Variants in TRPC5 observed in about 807,000 individuals in gnomAD.
TRPC5 encodes the protein short transient receptor potential channel 5.
Under a neutral mutation model 56.5 loss-of-function variants are expected in TRPC5, and 9 were observed. That is an observed-to-expected ratio of 0.16 (90% CI 0.10 to 0.28). TRPC5 has a LOEUF of 0.28. Ranked by LOEUF, TRPC5 falls within the 10% of genes least tolerant of loss-of-function variation. The pLI, the probability that TRPC5 is intolerant of heterozygous loss-of-function variation, is 1.00. For synonymous variants in TRPC5, 282 were observed against 278.5 expected, an observed-to-expected ratio of 1.01 and a Z score of -0.13; for missense variants, 469 against 748.9, an observed-to-expected ratio of 0.63 and a Z score of 4.36.
intron 7 of TRPC5, among the ~76,000 whole-genome samples, chrX:111,786,562 A>G (rs1415379803): frequency 9.0e-6 from 1 of 111,123 alleles, no homozygotes. Flanking sequence ...TTCACACATA[A>G]AATATTAACC....
At chrX:112,071,097 G>A (rs1352513894) in intron 1 of TRPC5, among the ~76,000 whole-genome samples, 1 of 110,407 alleles carries the variant, frequency 9.1e-6, no homozygotes, top group Admixed American at 9.7e-5. Context: ...TGGACAACAT[G>A]GTGTAACCCC....
At chrX:112,005,337 C>G (rs1928807421) in intron 1 of TRPC5, among the ~76,000 whole-genome samples, 1 of 108,063 alleles carries the variant, frequency 9.3e-6, no homozygotes, top group Non-Finnish European at 1.9e-5. Context: ...GGGAGAAGAT[C>G]AGGAAAAATA....
chrX:112,036,871 G>A (rs749075364), intron 1 of TRPC5, among the ~76,000 whole-genome samples: 1 of 110,831 alleles, frequency 9.0e-6, no homozygotes, highest in East Asian at 2.9e-4. Flanking sequence ...TATAAGCAAC[G>A]CTGGTCTCCA....
intron 7 of TRPC5, among the ~76,000 whole-genome samples, chrX:111,784,730 T>C (rs984343218): frequency 1.8e-5 from 2 of 112,724 alleles, no homozygotes; most frequent in African/African-American, 6.4e-5. Context: ...TACTGCACTT[T>C]TCCCAAGGTC....
chrX:111,880,855 T>TTA (rs1161035012), intron 3 of TRPC5, among the ~76,000 whole-genome samples: 1 of 112,297 alleles, frequency 8.9e-6, no homozygotes, highest in Non-Finnish European at 1.9e-5. Context: ...TGTTGGGTCA[T>TTA]TAACCAAGTA....
rs11373844 is a variant in TRPC5, at chrX:111,873,821, CA to C, written c.901-19716del. Among the ~76,000 whole-genome samples, 48 of 104,600 alleles carry C rather than the reference CA, an allele frequency of 4.6e-4. 1 individual carries two copies. In the South Asian group the frequency reaches 0.018, roughly 40 times the overall value. 90.8% of individuals were successfully genotyped at this position (104,600 alleles called of 115,157 possible). The stretch of plus-strand genomic sequence containing the variant: ...ATAAAAAAAATTTGAAATAAAAAAG[CA>C]AAAAAAAAACTTGCTCAAAATGGCT... On this transcript the variant is annotated intron_variant, in intron 3 of 10. Coordinates refer to ENST00000262839, the MANE Select transcript of TRPC5 (RefSeq NM_012471.3).
intron 1 of TRPC5, among the ~76,000 whole-genome samples, chrX:111,980,835 T>C (rs988356679): frequency 5.6e-5 from 6 of 106,891 alleles, no homozygotes; most frequent in Admixed American, 4.2e-4. Context: ...ATCTGCAATA[T>C]ATCTATGTAT....
At chrX:111,895,365 T>A (rs1393335409) in intron 3 of TRPC5, among the ~76,000 whole-genome samples, 7 of 112,080 alleles carry the variant, frequency 6.2e-5, no homozygotes, top group Admixed American at 5.7e-4. Flanking sequence ...TTATATTTTT[T>A]AAAAATTAGA....
intron 2 of TRPC5, among the ~76,000 whole-genome samples, chrX:111,934,576 A>G (rs1445780525): frequency 3.6e-5 from 4 of 110,759 alleles, no homozygotes; most frequent in Non-Finnish European, 7.6e-5. Context: ...CATTCTATCT[A>G]TCTTTGCACC....
chrX:111,952,225 T>G lies in TRPC5; in HGVS notation c.196A>C (p.Met66Leu), dbSNP rs759447025. ...AGGGCACTCCGGCCCAAGGGGTCCA[T>G]GCAGTTGATGTTAACATTATAGTAG... ...EIYYNVNINCMDPLGRSALLI... is the reference protein window; with the variant it reads ...EIYYNVNINCLDPLGRSALLI... Residue 66 changes from methionine to leucine, a missense_variant, in exon 2 of 11, where the codon ATG becomes CTG. This residue lies in a region of TRPC5 where 118 missense variants were observed against 167.1 expected (regional missense o/e 0.71). Coordinates refer to ENST00000262839, the MANE Select transcript of TRPC5 (RefSeq NM_012471.3). 1.7e-6 allele frequency: 2 copies of G among 1,211,924 alleles called. No homozygotes were observed. The highest frequency in any genetic ancestry group is 2.3e-4 in the Middle Eastern group (1 of 4,356).
chrX:111,906,690 G>C (rs202131593), intron 3 of TRPC5, among the ~76,000 whole-genome samples: 2 of 25,188 alleles, frequency 7.9e-5, no homozygotes, highest in African/African-American at 1.1e-4. Flanking sequence ...GCTTATCTTT[G>C]GGTCCTTATC....
rs1230365136 is a variant in TRPC5 at position 111,920,005 on chromosome X, T to C, written c.379-7193A>G. Among the ~76,000 whole-genome samples the C allele has an allele frequency of 3.6e-5, 4 of 112,112 alleles. No individual in the cohort carries two copies. In the Admixed American group the frequency reaches 3.8e-4, roughly 11 times the overall value. On this transcript the variant is annotated intron_variant, in intron 2 of 10. Transcript: ENST00000262839. Reference sequence around the variant, plus strand: ...GTATTACAAAAGTGGCCAGGTGCTGTGGCTCAGGCCTGTAGTCCCAGCACT... The same window carrying C: ...GTATTACAAAAGTGGCCAGGTGCTGCGGCTCAGGCCTGTAGTCCCAGCACT...
intron 2 of TRPC5, among the ~76,000 whole-genome samples, chrX:111,913,996 A>T (rs1925903004): frequency 9.3e-6 from 1 of 107,836 alleles, no homozygotes; most frequent in Admixed American, 1.0e-4. Flanking sequence ...TTTGGGACCC[A>T]GTCTTTTCTC....
chrX:111,771,269 C>T lies in TRPC5; in HGVS notation c.*5044G>A, dbSNP rs894982455. Among the ~76,000 whole-genome samples the T allele has an allele frequency of 8.9e-6, 1 of 111,921 alleles. No individual in the cohort carries two copies. Among genetic ancestry groups the T allele is most frequent in the African/African-American group, 3.2e-5 (1 of 30,820 alleles). ...CCTCTAGAGCTTTCACATCTTTTCA[C>T]ATCATATAAGAAAACTAGCTTTTTG... is the stretch of plus-strand genomic sequence containing the variant. On this transcript the variant is annotated 3_prime_UTR_variant, in exon 11 of 11. Coordinates refer to ENST00000262839, the MANE Select transcript of TRPC5 (RefSeq NM_012471.3).
At chrX:112,000,583 A>AC (rs1928672385) in intron 1 of TRPC5, among the ~76,000 whole-genome samples, 1 of 110,472 alleles carries the variant, frequency 9.1e-6, no homozygotes, top group South Asian at 3.8e-4. Context: ...AACCTTTCAG[A>AC]CCCCCAGTTT....
intron 7 of TRPC5, among the ~76,000 whole-genome samples, chrX:111,799,774 AAAAAG>A (rs1185716116): frequency 9.0e-6 from 1 of 111,673 alleles, no homozygotes; most frequent in East Asian, 2.8e-4. Flanking sequence ...TGGATAAAAA[AAAAAG>A]GGTAACAAAT....
At chrX:112,054,080 T>A (rs1167609602) in intron 1 of TRPC5, among the ~76,000 whole-genome samples, 1 of 112,235 alleles carries the variant, frequency 8.9e-6, no homozygotes, top group African/African-American at 3.2e-5. Context: ...TCAAATGTGA[T>A]CTTTTTCTTC....
rs1228413829 is a variant in TRPC5, at chrX:111,776,660, G to A, written c.2575C>T (p.Pro859Ser). The A allele has an allele frequency of 5.8e-6, 7 of 1,210,083 alleles. No homozygotes were observed. The highest frequency in any genetic ancestry group is 6.7e-6 in the Non-Finnish European group (6 of 895,287). Residue 859 changes from proline (P) to serine (S), a missense_variant, in exon 11 of 11, where the codon CCC (proline) becomes TCC (serine). By Grantham distance (74) the Pro-to-Ser change is moderately conservative (BLOSUM62 -1). Around this residue, in one of 3 missense-constraint regions of TRPC5, gnomAD observed 194 missense variants for 221.8 expected, o/e 0.87. Transcript: ENST00000262839. ...ATTGTGTACATTGGCTCTGAACTGG[G>A]TTCAGACATATGACCATTAAATTTG... ...FSKFNGHMSE[P>S]SSEPMYTISD...
At chrX:112,041,651 G>A (rs7055669) in intron 1 of TRPC5, among the ~76,000 whole-genome samples, 13,458 of 110,879 alleles carry the variant, frequency 0.12, 687 homozygotes, top group African/African-American at 0.16. Context: ...GTAAGGGGTC[G>A]ACATAGTCTC....
Sources: allele counts gnomAD v4.1 joint callset (sites outside exome capture counted in the v4.1 genomes callset), GRCh38; gene constraint gnomAD v4.1.1; regional missense constraint gnomAD v4.1.1; transcripts MANE v1.5; gene names NCBI Gene and HGNC (gene_info 2026-07-23, HGNC 2026-07-21).